The following STK3 variants were observed in gnomAD, a reference collection of about 807,000 sequenced individuals.
STK3 encodes the protein serine/threonine-protein kinase 3.
In STK3, 41 loss-of-function variants were observed where a neutral mutation model predicts 58.0. The observed-to-expected ratio is 0.71, with a 90% CI of 0.55 to 0.92. STK3 has a LOEUF of 0.92. STK3 is among the 40% of genes least tolerant of loss of function. The pLI, the probability that STK3 is intolerant of heterozygous loss-of-function variation, is 0.00. For missense variants in STK3, 479 were observed against 602.7 expected, an observed-to-expected ratio of 0.79 and a Z score of 2.15; for synonymous variants, 170 against 191.0, an observed-to-expected ratio of 0.89 and a Z score of 0.91.
chr8:98,838,708 T>C (rs1835843751), intron 3 of STK3, among the ~76,000 whole-genome samples: 1 of 152,186 alleles, frequency 6.6e-6, no homozygotes. Context: ...AGGAATTGTA[T>C]GCATATTAAC....
intron 6 of STK3, among the ~76,000 whole-genome samples, chr8:98,605,412 G>A (rs1293512124): frequency 1.3e-5 from 2 of 151,662 alleles, no homozygotes; most frequent in East Asian, 1.9e-4. Context: ...ATGGTGGAAG[G>A]TGAAGGGGAA....
At chr8:98,415,086 G>C (rs1472600243) in intron 3 of STK3, among the ~76,000 whole-genome samples, 1 of 152,160 alleles carries the variant, frequency 6.6e-6, no homozygotes, top group Non-Finnish European at 1.5e-5. Flanking sequence ...CTCATAAAAG[G>C]GCTTGATAGA....
At chr8:98,509,636 T>A (rs1450282559) in intron 10 of STK3, among the ~76,000 whole-genome samples, 1 of 151,886 alleles carries the variant, frequency 6.6e-6, no homozygotes, top group Non-Finnish European at 1.5e-5. Context: ...CTAGAGTTCA[T>A]CACAGATTAA....
chr8:98,472,059 T>C (rs767799902), intron 10 of STK3, among the ~76,000 whole-genome samples: 11 of 152,184 alleles, frequency 7.2e-5, no homozygotes, highest in African/African-American at 2.7e-4. Context: ...TAATAGGCAA[T>C]AATCCTATGA....
intron 4 of STK3, among the ~76,000 whole-genome samples, chr8:98,739,348 T>C (rs1293349873): frequency 6.6e-6 from 1 of 151,964 alleles, no homozygotes; most frequent in Non-Finnish European, 1.5e-5. Context: ...CACCCCCAAG[T>C]AGGGGCAGAC....
intron 3 of STK3, among the ~76,000 whole-genome samples, chr8:98,845,079 T>C (rs935703722): frequency 6.6e-6 from 1 of 152,206 alleles, no homozygotes; most frequent in Non-Finnish European, 1.5e-5. Flanking sequence ...GACCCTATTC[T>C]ATAGTTTTTG....
At chr8:98,701,324 C>T (rs1224122651) in intron 6 of STK3, among the ~76,000 whole-genome samples, 6 of 152,140 alleles carry the variant, frequency 3.9e-5, no homozygotes, top group Non-Finnish European at 7.4e-5. Flanking sequence ...CATATATATA[C>T]ATACTTCCTA....
intron 3 of STK3, among the ~76,000 whole-genome samples, chr8:98,849,009 G>A (rs369628820): frequency 2.6e-5 from 4 of 152,112 alleles, no homozygotes; most frequent in African/African-American, 4.8e-5. Flanking sequence ...GGCAGATCAC[G>A]AGGTCAGGAG....
intron 3 of STK3, among the ~76,000 whole-genome samples, chr8:98,756,154 A>G (rs1261813153): frequency 6.6e-6 from 1 of 151,960 alleles, no homozygotes; most frequent in Non-Finnish European, 1.5e-5. Context: ...AAAAAAAAAG[A>G]AAAATTAAAA....
chr8:98,439,729 T>C (rs867587262), intron 1 of STK3, among the ~76,000 whole-genome samples: 2 of 152,320 alleles, frequency 1.3e-5, no homozygotes, highest in South Asian at 2.1e-4. Flanking sequence ...GTCTCATTGC[T>C]GATCCTCTAG....
At chr8:98,378,751 C>T (rs1229042813) in intron 2 of STK3, among the ~76,000 whole-genome samples, 1 of 152,130 alleles carries the variant, frequency 6.6e-6, no homozygotes, top group African/African-American at 2.4e-5. Context: ...ATTGGAAGGG[C>T]CCAGGATGCA....
chr8:98,842,705 A>C (rs1361686288), intron 3 of STK3, among the ~76,000 whole-genome samples: 1 of 152,060 alleles, frequency 6.6e-6, no homozygotes, highest in East Asian at 1.9e-4. Context: ...ATGGAAATTA[A>C]AACAGTGTGG....
Position 98,823,297 on chromosome 8 carries a change from AAGTC to A in STK3, c.26+2214_26+2217del, listed in dbSNP as rs373946002. Among the ~76,000 whole-genome samples the A allele has an allele frequency of 9.9e-3, 1,514 of 152,342 alleles. 13 individuals carry two copies. Among genetic ancestry groups the A allele is most frequent in the South Asian group, 0.024 (118 of 4,824 alleles). On this transcript the variant is annotated intron_variant, in intron 1 of 10. Coordinates refer to ENST00000419617, the MANE Select transcript of STK3 (RefSeq NM_006281.4). ...CAACGACATCGATAAGGCCATGTAA[AAGTC>A]AGCACTAAGGAAGTGTTATTCAAGG...
chr8:98,360,393 T>C, the STK3 span, among the ~76,000 whole-genome samples: 1 of 152,204 alleles, frequency 6.6e-6, no homozygotes, highest in African/African-American at 2.4e-5. Context: ...TTCTTCCCTC[T>C]GTGTCTCCAT....
intron 6 of STK3, among the ~76,000 whole-genome samples, chr8:98,613,306 T>C (rs1259400501): frequency 6.6e-6 from 1 of 152,054 alleles, no homozygotes; most frequent in Non-Finnish European, 1.5e-5. Flanking sequence ...GGTCCTGTTT[T>C]CAACCAAAAA....
At chr8:98,614,751 C>T (rs758000927) in intron 6 of STK3, among the ~76,000 whole-genome samples, 17 of 152,098 alleles carry the variant, frequency 1.1e-4, no homozygotes, top group African/African-American at 2.7e-4. Context: ...CTTTTCAGAC[C>T]GGCTTAAAAA....
the STK3 span, among the ~76,000 whole-genome samples, chr8:98,363,986 G>A: frequency 6.6e-6 from 1 of 152,176 alleles, no homozygotes; most frequent in Non-Finnish European, 1.5e-5. Flanking sequence ...GTTGCCCAGC[G>A]CTGTTCTCTC....
chr8:98,903,272 A>G (rs1838727392), intron 1 of STK3, among the ~76,000 whole-genome samples: 1 of 152,210 alleles, frequency 6.6e-6, no homozygotes, highest in African/African-American at 2.4e-5. Flanking sequence ...TGACTATTAT[A>G]CAGTCCCAAG....
At chr8:98,376,276 G>C (rs928438399) in intron 2 of STK3, among the ~76,000 whole-genome samples, 1 of 152,140 alleles carries the variant, frequency 6.6e-6, no homozygotes, top group African/African-American at 2.4e-5. Flanking sequence ...GTTGTTTGCT[G>C]TCTTACTGTT....
Sources: gnomAD v4.1 joint callset for allele counts (sites outside exome capture counted in the v4.1 genomes callset) on GRCh38, gnomAD v4.1.1 for gene constraint, MANE v1.5 for transcripts, NCBI Gene and HGNC (gene_info 2026-07-23, HGNC 2026-07-21) for gene names.